Variants in NUDT17 observed in about 807,000 individuals in gnomAD.
NUDT17 encodes m7GpppN-mRNA hydrolase NUDT17.
A neutral mutation model predicts 38.6 loss-of-function variants in NUDT17; 38 were observed. That is an observed-to-expected ratio of 0.98 (90% confidence interval 0.76 to 1.29). NUDT17 has a LOEUF of 1.29. NUDT17 is among the 50% of genes most tolerant of loss of function. NUDT17 has a pLI of 0.00. For missense variants in NUDT17, 462 were observed against 415.2 expected, an observed-to-expected ratio of 1.11 and a Z score of -0.98; for synonymous variants, 192 against 167.8, an observed-to-expected ratio of 1.14 and a Z score of -1.11.
chr1:145,847,113 G>A, intron 4 of NUDT17, 137 bp from the exon 5 acceptor site: 1 of 590,390 alleles, frequency 1.7e-6, no homozygotes, highest in Non-Finnish European at 3.0e-6. Flanking sequence ...AGAATTGCTT[G>A]AACCCAGGAG....
At position 145,845,685 on chromosome 1, in the gene NUDT17, G is replaced by C; in HGVS notation, c.45G>C (p.Glu15Asp). The change falls in exon 1 of 8, where the codon GAG (glutamate) becomes GAC (aspartate). Residue 15 changes from glutamate (E) to aspartate (D), a missense_variant. Physicochemically the swap from Glu to Asp is conservative, Grantham distance 45. Coordinates refer to ENST00000334513, the MANE Select transcript of NUDT17 (RefSeq NM_001012758.3). ...RVQLLLSRRP[E>D]SVSFARSVCG... The stretch of plus-strand genomic sequence containing the variant: ...AGCTGCTCCTGTCCCGGCGTCCGGA[G>C]TCGGTGAGCTTCGCACGGAGTGTGT... 1 of 1,540,542 alleles carries C rather than the reference G, an allele frequency of 6.5e-7. No homozygotes were observed. Among genetic ancestry groups the C allele is most frequent in the Non-Finnish European group, 8.8e-7 (1 of 1,138,968 alleles).
In NUDT17 at chr1:145,846,072, G is replaced by T. The variant is rs1553732338; in HGVS notation, c.252G>T (p.Glu84Asp). ...LEERPRVPGA[E>D]LPTDRGVDLG... is the part of the protein sequence containing the mutation. ...AGCGGCCCAGGGTCCCTGGGGCTGA[G>T]CTGCCCACAGATCGAGGTGTGGACC... The change falls in exon 2 of 8, where the codon GAG (glutamate) becomes GAT (aspartate). Residue 84 changes from glutamate (E) to aspartate (D), a missense_variant. Glu to Asp is a conservative substitution (Grantham distance 45). Transcript: ENST00000334513. 1.2e-6 allele frequency: 2 copies of T among 1,605,396 alleles called. No homozygotes were observed. The highest frequency in any genetic ancestry group is 1.7e-6 in the Non-Finnish European group (2 of 1,176,694).
At chr1:145,846,729 G>A in intron 4 of NUDT17, 39 bp downstream of exon 4, 1 of 1,351,584 alleles carries the variant, frequency 7.4e-7, no homozygotes, top group Non-Finnish European at 1.1e-6. Flanking sequence ...CCATAGATCA[G>A]CCCCTACCTG....
In NUDT17 at chr1:145,846,644, A is replaced by G; in HGVS notation, c.449A>G (p.His150Arg). Residue 150 changes from histidine to arginine, a missense_variant, in exon 4 of 8, where the codon CAC (histidine) becomes CGC (arginine). Coordinates refer to ENST00000334513, the MANE Select transcript of NUDT17 (RefSeq NM_001012758.3). ...LRELWEESGL[H>R]LPQGQFSWVP... Reference sequence around the variant, plus strand: ...GAACTTTGGGAGGAGAGTGGACTACACCTGCCCCAGGGCCAGTTCTCTTGG... The same window carrying G: ...GAACTTTGGGAGGAGAGTGGACTACGCCTGCCCCAGGGCCAGTTCTCTTGG... The G allele has an allele frequency of 6.2e-7, 1 of 1,614,150 alleles. No individual in the cohort carries two copies. Among genetic ancestry groups the G allele is most frequent in the Non-Finnish European group, 8.5e-7 (1 of 1,180,004 alleles).
chr1:145,848,050 C>A, intron 6 of NUDT17, 62 bp from the exon 7 acceptor site: 1 of 1,593,296 alleles, frequency 6.3e-7, no homozygotes, highest in Non-Finnish European at 8.6e-7. Flanking sequence ...GGGGACCTAA[C>A]ATATATGTAA....
In NUDT17 at chr1:145,848,519, A is replaced by C; in HGVS notation, c.*40A>C. On this transcript the variant is annotated 3_prime_UTR_variant, in exon 8 of 8. Coordinates refer to ENST00000334513, the MANE Select transcript of NUDT17 (RefSeq NM_001012758.3). ...TCCCTAGCCCATCTCCATGACACTC[A>C]CAGAACATTCACAACCTTTATTATG... 21 of 1,369,306 alleles carry C rather than the reference A, an allele frequency of 1.5e-5. No homozygotes were observed. Among genetic ancestry groups the C allele is most frequent in the Non-Finnish European group, 2.0e-5 (19 of 968,494 alleles). 84.8% of individuals were successfully genotyped at this position (1,369,306 alleles called of 1,614,324 possible). A position where few individuals can be genotyped will look rare whatever the true frequency, so the allele number is the denominator to read the frequency against.
intron 7 of NUDT17, 47 bp from the exon 8 acceptor site, chr1:145,848,330 A>C (rs1553733231): frequency 6.2e-7 from 1 of 1,612,596 alleles, no homozygotes; most frequent in East Asian, 2.2e-5. Context: ...TTTTACAGGC[A>C]CGGGGGAAAG....
rs1254499623 is a variant in NUDT17, at chr1:145,847,067, G to A, written c.496-183G>A. ...ATTTTAGCTGGGCGTGGCGGCAGGC[G>A]CCTGTAATCCCAGCTACTCTGGAGG... is the stretch of plus-strand genomic sequence containing the variant. On this transcript the variant is annotated intron_variant, in intron 4 of 7. Transcript: ENST00000334513. Among the ~76,000 whole-genome samples, 5 of 152,102 alleles carry A rather than the reference G, an allele frequency of 3.3e-5. No individual in the cohort carries two copies. The East Asian group carries it at 5.8e-4, about 18-fold the overall frequency.
rs782752056 is a variant in NUDT17, at chr1:145,846,411, AC to A, written c.377-21del. The A allele has an allele frequency of 4.5e-5, 73 of 1,614,056 alleles. No individual in the cohort carries two copies. In the Admixed American group the frequency reaches 5.5e-4, roughly 12 times the overall value. On this transcript the variant is annotated intron_variant, in intron 2 of 7. Transcript: ENST00000334513. Reference sequence around the variant, plus strand: ...TGGCCAAGACCACCACCATTCACCTACTGGCCCCACTGTTGTTGCAGGTGGG... The same window carrying A: ...TGGCCAAGACCACCACCATTCACCTATGGCCCCACTGTTGTTGCAGGTGGG...
At chr1:145,848,053 A>T in intron 6 of NUDT17, 59 bp from the exon 7 acceptor site, 2 of 1,597,848 alleles carry the variant, frequency 1.3e-6, no homozygotes, top group Non-Finnish European at 1.7e-6. Context: ...GACCTAACAT[A>T]TATGTAAGTT....
chr1:145,845,630 A>G lies in NUDT17; in HGVS notation c.-11A>G. ...GCGCCAGGCGGGCCGCAGCGACTCCAGAGTCGCGTTATGGCCGAGGTGCGG... is the reference window on the plus strand; with the variant it reads ...GCGCCAGGCGGGCCGCAGCGACTCCGGAGTCGCGTTATGGCCGAGGTGCGG... On this transcript the variant is annotated 5_prime_UTR_variant, in exon 1 of 8. Transcript: ENST00000334513. 1.3e-6 allele frequency: 2 copies of G among 1,501,802 alleles called. No homozygotes were observed. Among genetic ancestry groups the G allele is most frequent in the Non-Finnish European group, 9.0e-7 (1 of 1,117,136 alleles). 93.0% of individuals were successfully genotyped at this position (1,501,802 alleles called of 1,614,324 possible).
rs782776323 is a variant in NUDT17, at chr1:145,847,671, G to C, written c.683G>C (p.Gly228Ala). ...GCTGCAGTGGCTGCCGCAGAGGATG[G>C]GACAGAGACACCCGGACTTCTCCCC... is the stretch of plus-strand genomic sequence containing the variant. The part of the protein sequence containing the change: ...VAAAVAAAED[G>A]TETPGLLPQD... Residue 228 changes from glycine (G) to alanine (A), a missense_variant, in exon 6 of 8, where the codon GGG becomes GCG. Physicochemically the swap from Gly to Ala is moderately conservative, Grantham distance 60. Transcript: ENST00000334513. 4 of 1,614,070 alleles carry C rather than the reference G, an allele frequency of 2.5e-6. No individual in the cohort carries two copies. The highest frequency in any genetic ancestry group is 2.2e-5 in the South Asian group (2 of 91,078).
In NUDT17 at chr1:145,848,403, C is replaced by T; in HGVS notation, c.911C>T (p.Ala304Val). The T allele has an allele frequency of 2.5e-6, 4 of 1,614,028 alleles. No individual in the cohort carries two copies. Among genetic ancestry groups the T allele is most frequent in the Non-Finnish European group, 3.4e-6 (4 of 1,179,956 alleles). The change falls in exon 8 of 8, where the codon GCT becomes GTT. Residue 304 changes from alanine (A) to valine (V), a missense_variant. Coordinates refer to ENST00000334513, the MANE Select transcript of NUDT17 (RefSeq NM_001012758.3). ...GRTPPPCKSA[A>V]YLDPGPAKEE... The stretch of plus-strand genomic sequence containing the variant: ...ACACCCCCACCGTGTAAAAGTGCAG[C>T]TTACCTGGACCCAGGGCCAGCAAAG...
At chr1:145,845,912 G>T (rs782769406) in intron 1 of NUDT17, 80 bp downstream of exon 1, 1 of 1,526,176 alleles carries the variant, frequency 6.6e-7, no homozygotes, top group South Asian at 1.2e-5. Flanking sequence ...CTGGCGGCGA[G>T]GACCCCGCCC....
At position 145,846,514 on chromosome 1, in the gene NUDT17, G is replaced by C. The variant is rs190159953; in HGVS notation, c.402+56G>C. On this transcript the variant is annotated intron_variant, in intron 3 of 7. Coordinates refer to ENST00000334513, the MANE Select transcript of NUDT17 (RefSeq NM_001012758.3). The stretch of plus-strand genomic sequence containing the variant: ...AGAGACCCATGCCTGGGACCATCTT[G>C]GGTGTGGGCTGAGGGAGAGGCAAGC... 194 of 1,607,162 alleles carry C rather than the reference G, an allele frequency of 1.2e-4. No individual in the cohort carries two copies. The African/African-American group carries it at 1.9e-3, about 16-fold the overall frequency.
Sources: allele counts gnomAD v4.1 joint callset (sites outside exome capture counted in the v4.1 genomes callset), GRCh38; gene constraint gnomAD v4.1.1; transcripts MANE v1.5; gene names NCBI Gene and HGNC (gene_info 2026-07-23, HGNC 2026-07-21).